RBL2: variants seen among roughly 807,000 people sequenced by gnomAD.
The protein encoded by RBL2 is RB transcriptional corepressor like 2.
In RBL2, 56 loss-of-function variants were observed where a neutral mutation model predicts 126.0. That is an observed-to-expected ratio of 0.44 (90% CI 0.36 to 0.56). RBL2 has a LOEUF of 0.56. RBL2 is among the 20% of genes least tolerant of loss of function. The probability of loss-of-function intolerance (pLI) is 0.00; values close to 1 mark genes in which losing one functional copy is unlikely to be tolerated. For synonymous variants in RBL2, 454 were observed against 478.5 expected (o/e 0.95, Z 0.67); for missense variants, 1,229 against 1,398.2 (o/e 0.88, Z 1.93).
intron 5 of RBL2, 147 bp downstream of exon 5, chr16:53,451,978 G>T (rs1035137593): frequency 9.0e-6 from 8 of 886,056 alleles, no homozygotes; most frequent in Non-Finnish European, 1.3e-5. Context: ...GAGTCAAGCT[G>T]CCTGTAAAAA....
chr16:53,463,869 C>G (rs536347893), intron 11 of RBL2, among the ~76,000 whole-genome samples: 6 of 152,132 alleles, frequency 3.9e-5, no homozygotes, highest in African/African-American at 1.4e-4. Flanking sequence ...GCCCGGTCCC[C>G]CTTTCAGTTT....
chr16:53,482,455 CTA>C (rs1960990709), intron 21 of RBL2, among the ~76,000 whole-genome samples: 1 of 152,160 alleles, frequency 6.6e-6, no homozygotes, highest in Non-Finnish European at 1.5e-5. Flanking sequence ...GGGCATCATG[CTA>C]TGTTAGCGAG....
chr16:53,449,958 CTTT>C (rs764078451), intron 4 of RBL2, among the ~76,000 whole-genome samples: 1 of 109,728 alleles, frequency 9.1e-6, no homozygotes. Context: ...ACAGTACTGC[CTTT>C]TTTTTTTTTT....
intron 17 of RBL2, among the ~76,000 whole-genome samples, chr16:53,472,981 T>C (rs528524457): frequency 6.6e-6 from 1 of 152,348 alleles, no homozygotes; most frequent in African/African-American, 2.4e-5. Flanking sequence ...ATGGCCTTGG[T>C]ACCCTCCTTT....
In RBL2 at chr16:53,463,132, C is replaced by T. The variant is rs182872188; in HGVS notation, c.1560+477C>T. On this transcript the variant is annotated intron_variant, in intron 11 of 21. Coordinates refer to ENST00000262133, the MANE Select transcript of RBL2 (RefSeq NM_005611.4). ...CTAGGATTACAGGCGTGAGCCACCGCACCTGGCCTGTTGCCTGTGCCTTTG... is the reference window on the plus strand; with the variant it reads ...CTAGGATTACAGGCGTGAGCCACCGTACCTGGCCTGTTGCCTGTGCCTTTG... Among the ~76,000 whole-genome samples the T allele has an allele frequency of 3.4e-3, 521 of 152,208 alleles. 1 individual carries two copies. Among genetic ancestry groups the T allele is most frequent in the Non-Finnish European group, 5.8e-3 (394 of 68,012 alleles).
At chr16:53,445,564 A>G (rs1455159460) in intron 3 of RBL2, among the ~76,000 whole-genome samples, 1 of 152,184 alleles carries the variant, frequency 6.6e-6, no homozygotes, top group Non-Finnish European at 1.5e-5. Flanking sequence ...AGAGAGGTTA[A>G]GTAATTTGGC....
At chr16:53,435,535 A>G (rs1359429925) in intron 1 of RBL2, 1 of 1,188,248 alleles carries the variant, frequency 8.4e-7, no homozygotes, top group Non-Finnish European at 1.1e-6. Flanking sequence ...AGATGAGAAA[A>G]ATGGCCATTC....
intron 21 of RBL2, 59 bp downstream of exon 21, chr16:53,481,894 CAG>C (rs906682630): frequency 2.0e-6 from 3 of 1,517,438 alleles, no homozygotes; most frequent in Admixed American, 3.4e-5. Context: ...ATGCTAGAAA[CAG>C]GGTTTGTGCT....
rs1961362181 is a variant in RBL2 at position 53,490,193 on chromosome 16, C to A, written c.3313C>A (p.Leu1105Ile). The A allele has an allele frequency of 1.2e-6, 2 of 1,612,084 alleles. No homozygotes were observed. Among genetic ancestry groups the A allele is most frequent in the Non-Finnish European group, 1.7e-6 (2 of 1,178,730 alleles). ...GETPTKKRGI[L>I]LEDGSESPAK... ...AACTCCTACTAAAAAGAGAGGAATTCTTTTGGAAGATGGAAGTGAATCACC... is the reference window on the plus strand; with the variant it reads ...AACTCCTACTAAAAAGAGAGGAATTATTTTGGAAGATGGAAGTGAATCACC... The change falls in exon 22 of 22, where the codon CTT becomes ATT. Residue 1105 changes from leucine (L) to isoleucine (I), a missense_variant. Transcript: ENST00000262133.
At position 53,467,116 on chromosome 16, in the gene RBL2, T is replaced by C. The variant is rs1165890601; in HGVS notation, c.1922T>C (p.Leu641Ser). The change falls in exon 14 of 22, where the codon TTG (leucine) becomes TCG (serine). Residue 641 changes from leucine to serine, a missense_variant. By Grantham distance (145) the Leu-to-Ser change is moderately radical. Transcript: ENST00000262133. ...ADEICIAGSPLTPRRVTEVRA... is the reference protein window; with the variant it reads ...ADEICIAGSPSTPRRVTEVRA... ...GAAATTTGCATTGCTGGCTCCCCTT[T>C]GACTCCCAGAAGGGTGACTGAAGTT... 1.9e-6 allele frequency: 3 copies of C among 1,614,116 alleles called. No individual in the cohort carries two copies. The highest frequency in any genetic ancestry group is 2.2e-5 in the East Asian group (1 of 44,860).
At chr16:53,480,242 G>T in intron 19 of RBL2, 1 of 529,418 alleles carries the variant, frequency 1.9e-6, no homozygotes, top group South Asian at 2.5e-5. Context: ...GTTCCAGAAA[G>T]GTCTGATATG....
At chr16:53,450,556 T>C (rs1440181591) in intron 4 of RBL2, among the ~76,000 whole-genome samples, 1 of 152,204 alleles carries the variant, frequency 6.6e-6, no homozygotes, top group East Asian at 1.9e-4. Context: ...AATTCTTAAT[T>C]TCTAGAAAAT....
chr16:53,465,330 C>A, intron 12 of RBL2, 108 bp from the exon 13 acceptor site: 2 of 641,780 alleles, frequency 3.1e-6, no homozygotes, highest in Non-Finnish European at 4.6e-6. Flanking sequence ...AAAGGAAGAG[C>A]GGCTGTTTCA....
At position 53,490,396 on chromosome 16, in the gene RBL2, G is replaced by C. The variant is rs3929; in HGVS notation, c.*96G>C. 549,962 of 1,167,174 alleles carry C rather than the reference G, an allele frequency of 0.47. 136,474 individuals are homozygous for C. Among genetic ancestry groups the C allele is most frequent in the African/African-American group, 0.77 (49,434 of 64,410 alleles). The allele number at this position is 1,167,174 out of a possible 1,614,324, so 72.3% of individuals were successfully genotyped here. A position where few individuals can be genotyped will look rare whatever the true frequency, so the allele number is the denominator to read the frequency against. On this transcript the variant is annotated 3_prime_UTR_variant, in exon 22 of 22. Transcript: ENST00000262133. ...AGCTTTTTTCCTTAATCCAGCTGAT[G>C]AGTTACAGCCTGTTAGTAACATGAG...
rs756763534 is a variant in RBL2 at position 53,457,258 on chromosome 16, CTTTTTTTTT to C, written c.1180-2182_1180-2174del. ...GGGTCATCAGGGTGGGTACAGATAG[CTTTTTTTTT>C]TTTTTTTTTTGAGATGGAGTCTCGC... is the stretch of plus-strand genomic sequence containing the variant. On this transcript the variant is annotated intron_variant, in intron 8 of 21. Transcript: ENST00000262133. 9.6e-4 allele frequency among the ~76,000 whole-genome samples: 86 copies of C among 89,938 alleles called. 1 individual carries two copies. The highest frequency in any genetic ancestry group is 5.1e-3 in the African/African-American group (85 of 16,720). The allele number at this position is 89,938 out of a possible 152,430, so 59.0% of individuals were successfully genotyped here.
At chr16:53,477,117 T>C (rs1960753912) in intron 17 of RBL2, among the ~76,000 whole-genome samples, 1 of 152,016 alleles carries the variant, frequency 6.6e-6, no homozygotes, top group Non-Finnish European at 1.5e-5. Context: ...ATATCTCTTA[T>C]CAAAAATCAG....
In RBL2 at chr16:53,470,823, C is replaced by G. The variant is rs142817782; in HGVS notation, c.2604C>G (p.Ile868Met). 192 of 1,613,968 alleles carry G rather than the reference C, an allele frequency of 1.2e-4. 1 individual carries two copies. Among genetic ancestry groups the G allele is most frequent in the Non-Finnish European group, 2.5e-5 (30 of 1,179,958 alleles). The change falls in exon 17 of 22, where the codon ATC (isoleucine) becomes ATG (methionine). Residue 868 changes from isoleucine to methionine, a missense_variant. Transcript: ENST00000262133. The part of the protein sequence containing the change: ...LDISDELRKK[I>M]WTCFEFSIIQ... ...TTTCAGATGAATTGAGGAAAAAAATCTGGACCTGCTTTGAATTCTCCATAA... is the reference window on the plus strand; with the variant it reads ...TTTCAGATGAATTGAGGAAAAAAATGTGGACCTGCTTTGAATTCTCCATAA...
chr16:53,447,637 GTATT>G (rs770577025), intron 4 of RBL2, among the ~76,000 whole-genome samples: 3 of 151,228 alleles, frequency 2.0e-5, no homozygotes, highest in Non-Finnish European at 3.0e-5. Flanking sequence ...TGTCCTTTTT[GTATT>G]TATTTATTTA....
At chr16:53,456,220 G>A (rs1226327646) in intron 8 of RBL2, among the ~76,000 whole-genome samples, 3 of 151,848 alleles carry the variant, frequency 2.0e-5, no homozygotes, top group Non-Finnish European at 4.4e-5. Flanking sequence ...AGGGAAGAGG[G>A]AACAAGAGAG....
Sources: allele counts gnomAD v4.1 joint callset (sites outside exome capture counted in the v4.1 genomes callset), GRCh38; gene constraint gnomAD v4.1.1; transcripts MANE v1.5; gene names NCBI Gene and HGNC (gene_info 2026-07-23, HGNC 2026-07-21).